The following RAI14 variants were observed in gnomAD, a reference collection of about 807,000 sequenced individuals.
The protein encoded by RAI14 is retinoic acid induced 14, also known as ankycorbin.
RAI14 carries 45 observed loss-of-function variants against 115.4 expected under a neutral mutation model. The observed-to-expected ratio is 0.39, with a 90% CI of 0.31 to 0.50. The LOEUF (loss-of-function observed/expected upper bound fraction) is 0.50. Among genes scored for constraint, RAI14 ranks in the 20% least tolerant of loss-of-function variants. RAI14 has a pLI of 0.85. For synonymous variants in RAI14, 371 were observed against 415.4 expected, an observed-to-expected ratio of 0.89 and a Z score of 1.30; for missense variants, 939 against 1,131.2, an observed-to-expected ratio of 0.83 and a Z score of 2.44.
At chr5:34,711,340 G>A (rs1459776906) in intron 2 of RAI14, among the ~76,000 whole-genome samples, 1 of 151,556 alleles carries the variant, frequency 6.6e-6, no homozygotes, top group Non-Finnish European at 1.5e-5. Context: ...CATTCTCAAG[G>A]GTGGGGAGAA....
chr5:34,730,079 C>A (rs1025619141), intron 2 of RAI14, among the ~76,000 whole-genome samples: 8 of 152,062 alleles, frequency 5.3e-5, no homozygotes, highest in Non-Finnish European at 1.0e-4. Flanking sequence ...CTGAAAGGCA[C>A]GAGACTGACA....
At chr5:34,679,937 G>A (rs2149870657) in intron 1 of RAI14, among the ~76,000 whole-genome samples, 1 of 152,290 alleles carries the variant, frequency 6.6e-6, no homozygotes, top group African/African-American at 2.4e-5. Flanking sequence ...TCAGAGATGA[G>A]GTCTAAAGTC....
rs770186076 is a variant in RAI14, at chr5:34,830,728, T to G, written c.2906T>G (p.Ile969Ser). Residue 969 changes from isoleucine to serine, a missense_variant, in exon 18 of 18, where the codon ATC becomes AGC. Transcript: ENST00000265109. ...GATGTCCAGAAAGTACTGAAGCAAA[T>G]CCTTACCATGTGTAAAAACCAGTCT... is the stretch of plus-strand genomic sequence containing the variant. ...DEDVQKVLKQ[I>S]LTMCKNQSQK... The G allele has an allele frequency of 6.2e-7, 1 of 1,614,160 alleles. No individual in the cohort carries two copies. The highest frequency in any genetic ancestry group is 8.5e-7 in the Non-Finnish European group (1 of 1,180,006).
chr5:34,815,044 C>T (rs1227337376), intron 12 of RAI14, among the ~76,000 whole-genome samples: 2 of 151,918 alleles, frequency 1.3e-5, no homozygotes, highest in African/African-American at 4.8e-5. Flanking sequence ...GTCAGGAGTT[C>T]AAGACCAGCT....
chr5:34,762,015 C>T lies in RAI14; in HGVS notation c.167+4417C>T, dbSNP rs528204215. On this transcript the variant is annotated intron_variant, in intron 3 of 17. Coordinates refer to ENST00000265109, the MANE Select transcript of RAI14 (RefSeq NM_015577.3). ...TTTGTTTTCTGAAAGACTTGAATCCCGTAGAGTACAGTAAAGCTCCCTAAG... is the reference window on the plus strand; with the variant it reads ...TTTGTTTTCTGAAAGACTTGAATCCTGTAGAGTACAGTAAAGCTCCCTAAG... Among the ~76,000 whole-genome samples the T allele has an allele frequency of 2.9e-4, 44 of 152,246 alleles. No homozygotes were observed. The South Asian group carries it at 8.5e-3, about 29-fold the overall frequency.
intron 3 of RAI14, among the ~76,000 whole-genome samples, chr5:34,784,581 T>C (rs759051929): frequency 6.6e-6 from 1 of 152,220 alleles, no homozygotes; most frequent in Non-Finnish European, 1.5e-5. Context: ...ATAGTAGTGA[T>C]TTGATCCAAA....
At chr5:34,680,035 T>A (rs166265) in intron 1 of RAI14, among the ~76,000 whole-genome samples, 122,039 of 152,152 alleles carry the variant, frequency 0.8, 49,062 homozygotes, top group South Asian at 0.9. Context: ...GGGCTCAAGT[T>A]CAGGCAAAAT....
chr5:34,726,377 C>T (rs1458103216), intron 2 of RAI14, among the ~76,000 whole-genome samples: 6 of 152,172 alleles, frequency 3.9e-5, no homozygotes, highest in African/African-American at 9.6e-5. Context: ...AGCACGTCTT[C>T]ACATGGTGGC....
chr5:34,665,494 T>C (rs1343652109), intron 1 of RAI14, among the ~76,000 whole-genome samples: 3 of 136,890 alleles, frequency 2.2e-5, no homozygotes, highest in Non-Finnish European at 3.2e-5. Context: ...TTTTTTTTTC[T>C]TTTTTTTTTT....
chr5:34,743,078 G>A (rs928664095), intron 2 of RAI14, among the ~76,000 whole-genome samples: 1 of 152,168 alleles, frequency 6.6e-6, no homozygotes, highest in African/African-American at 2.4e-5. Flanking sequence ...AGTCAGTAGG[G>A]GTGGAGTCCT....
At chr5:34,672,807 G>T (rs1743709523) in intron 1 of RAI14, among the ~76,000 whole-genome samples, 1 of 152,124 alleles carries the variant, frequency 6.6e-6, no homozygotes, top group African/African-American at 2.4e-5. Context: ...GAGGTCTACT[G>T]GTCCAGCTGA....
At chr5:34,779,059 C>T (rs925390479) in intron 3 of RAI14, among the ~76,000 whole-genome samples, 2 of 152,064 alleles carry the variant, frequency 1.3e-5, no homozygotes, top group African/African-American at 4.8e-5. Context: ...GGATGCAAGG[C>T]TGGTTCAACA....
chr5:34,692,915 G>C (rs1320086228), intron 2 of RAI14, among the ~76,000 whole-genome samples: 1 of 152,140 alleles, frequency 6.6e-6, no homozygotes, highest in Non-Finnish European at 1.5e-5. Context: ...GGCACGGTTG[G>C]TTCCTTGTGA....
At chr5:34,768,805 A>C (rs926837770) in intron 3 of RAI14, among the ~76,000 whole-genome samples, 2 of 152,172 alleles carry the variant, frequency 1.3e-5, no homozygotes, top group Non-Finnish European at 2.9e-5. Context: ...CCTGGCCAAC[A>C]TGGTGAAATG....
At chr5:34,811,582 T>TA (rs35087500) in intron 8 of RAI14, among the ~76,000 whole-genome samples, 185 bp from the exon 9 acceptor site, 40,557 of 145,794 alleles carry the variant, frequency 0.28, 5,554 homozygotes, top group South Asian at 0.31. Flanking sequence ...ATCTGAAGTT[T>TA]AAAAAAAAAA....
intron 5 of RAI14, among the ~76,000 whole-genome samples, chr5:34,807,446 T>C (rs1324566911): frequency 1.3e-5 from 2 of 151,972 alleles, no homozygotes; most frequent in Non-Finnish European, 2.9e-5. Flanking sequence ...TGGGTAATCC[T>C]TAAGAGAAAG....
chr5:34,681,655 C>A (rs561162846), intron 1 of RAI14, among the ~76,000 whole-genome samples: 1 of 151,940 alleles, frequency 6.6e-6, no homozygotes, highest in South Asian at 2.1e-4. Context: ...CCACCACCCC[C>A]GGCTAATTAA....
At chr5:34,755,068 G>T (rs1351667326) in intron 2 of RAI14, among the ~76,000 whole-genome samples, 1 of 151,742 alleles carries the variant, frequency 6.6e-6, no homozygotes, top group African/African-American at 2.4e-5. Flanking sequence ...TATAGGTAGG[G>T]ATCATTGGTC....
Position 34,823,249 on chromosome 5 carries a change from A to C in RAI14, c.1407A>C (p.Leu469Phe), listed in dbSNP as rs765621843. ...LQSRRAELVCLNNTEISENSS... is the reference protein window; with the variant it reads ...LQSRRAELVCFNNTEISENSS... ...CCCGAAGGGCAGAACTGGTATGCTT[A>C]AACAACACTGAGATTTCAGAGAACA... The change falls in exon 15 of 18, where the codon TTA (leucine) becomes TTC (phenylalanine). Residue 469 changes from leucine to phenylalanine, a missense_variant. Physicochemically the swap from Leu to Phe is conservative, Grantham distance 22. Transcript: ENST00000265109. This position sits in a 1 kb window ranked among gnomAD's most constrained non-coding sequence, Gnocchi z 4.5. 1.5e-5 allele frequency: 24 copies of C among 1,614,096 alleles called. No individual in the cohort carries two copies. The highest frequency in any genetic ancestry group is 2.2e-5 in the East Asian group (1 of 44,888).
Sources: gnomAD v4.1 joint callset for allele counts (sites outside exome capture counted in the v4.1 genomes callset) on GRCh38, gnomAD v4.1.1 for gene constraint, Gnocchi (gnomAD v3.1) non-coding constraint, MANE v1.5 for transcripts, NCBI Gene and HGNC (gene_info 2026-07-23, HGNC 2026-07-21) for gene names.